TMEM123: variants seen among roughly 807,000 people sequenced by gnomAD.
The protein encoded by TMEM123 is porimin.
Under a neutral mutation model 19.7 loss-of-function variants are expected in TMEM123, and 16 were observed. The observed-to-expected ratio is 0.81, with a 90% CI of 0.55 to 1.23. TMEM123 has a LOEUF of 1.23. Among genes scored for constraint, TMEM123 ranks in the 50% most tolerant of loss-of-function variants. The pLI, the probability that TMEM123 is intolerant of heterozygous loss-of-function variation, is 0.00. For missense variants in TMEM123, 313 were observed against 257.8 expected, an observed-to-expected ratio of 1.21 and a Z score of -1.47; for synonymous variants, 118 against 99.4, an observed-to-expected ratio of 1.19 and a Z score of -1.12.
chr11:102,409,885 T>C (rs2135846657), intron 2 of TMEM123, among the ~76,000 whole-genome samples: 1 of 138,046 alleles, frequency 7.2e-6, no homozygotes, highest in East Asian at 2.1e-4. Context: ...ACAAACTAGA[T>C]AAATCTAGAT....
intron 2 of TMEM123, among the ~76,000 whole-genome samples, chr11:102,416,210 C>G (rs1796321120): frequency 6.6e-6 from 1 of 152,088 alleles, no homozygotes; most frequent in South Asian, 2.1e-4. Context: ...GGCACCATGC[C>G]CAGCCCAAAA....
At chr11:102,406,566 G>C (rs1951956821) in intron 2 of TMEM123, among the ~76,000 whole-genome samples, 1 of 152,080 alleles carries the variant, frequency 6.6e-6, no homozygotes, top group Non-Finnish European at 1.5e-5. Flanking sequence ...ACTGACATGA[G>C]ATTGCCTTAA....
At chr11:102,430,917 A>G (rs1181465655) in intron 2 of TMEM123, among the ~76,000 whole-genome samples, 1 of 152,142 alleles carries the variant, frequency 6.6e-6, no homozygotes, top group Non-Finnish European at 1.5e-5. Flanking sequence ...CTGGGTGGGG[A>G]TGACATGGGG....
chr11:102,445,510 A>G (rs1857876197), intron 2 of TMEM123, among the ~76,000 whole-genome samples: 1 of 152,238 alleles, frequency 6.6e-6, no homozygotes, highest in Non-Finnish European at 1.5e-5. Context: ...TCCATCTAAT[A>G]TTCTTTTCAC....
At chr11:102,404,315 ACT>A (rs1358346983) in intron 2 of TMEM123, among the ~76,000 whole-genome samples, 21 of 152,172 alleles carry the variant, frequency 1.4e-4, no homozygotes, top group African/African-American at 4.8e-4. Context: ...ACAAAGTCTT[ACT>A]CTGTCACCCA....
At chr11:102,428,631 A>G (rs926983579) in intron 2 of TMEM123, among the ~76,000 whole-genome samples, 1 of 152,008 alleles carries the variant, frequency 6.6e-6, no homozygotes. Context: ...AAGTCATTTT[A>G]AAGAAGTGTT....
At chr11:102,437,564 CATTTA>C in intron 2 of TMEM123, among the ~76,000 whole-genome samples, 1 of 151,982 alleles carries the variant, frequency 6.6e-6, no homozygotes, top group Non-Finnish European at 1.5e-5. Flanking sequence ...GAATTGGAAG[CATTTA>C]ATTTGGGTCC....
chr11:102,414,838 A>T (rs1952031465), intron 2 of TMEM123, among the ~76,000 whole-genome samples: 1 of 152,230 alleles, frequency 6.6e-6, no homozygotes, highest in Non-Finnish European at 1.5e-5. Context: ...GATCACATCC[A>T]CACATATCAA....
intron 2 of TMEM123, among the ~76,000 whole-genome samples, chr11:102,412,895 C>A (rs2054712207): frequency 6.6e-6 from 1 of 152,244 alleles, no homozygotes; most frequent in East Asian, 1.9e-4. Flanking sequence ...CTTCACATAC[C>A]TTCAATGTAC....
Position 102,409,743 on chromosome 11 carries a change from G to A in TMEM123, c.158-7537C>T, listed in dbSNP as rs180985721. On this transcript the variant is annotated intron_variant, in intron 2 of 4. Coordinates refer to ENST00000398136, the MANE Select transcript of TMEM123 (RefSeq NM_052932.3). ...ATAAAAATTAGCTGGGCATGGTGGC[G>A]GGCGTCTGTAATCCGGGAGGCTGAG... Among the ~76,000 whole-genome samples the A allele has an allele frequency of 2.1e-3, 326 of 151,940 alleles. 1 individual carries two copies. Among genetic ancestry groups the A allele is most frequent in the African/African-American group, 7.6e-3 (316 of 41,436 alleles).
chr11:102,401,653 T>A lies in TMEM123; in HGVS notation c.488A>T (p.Lys163Ile), dbSNP rs757375827. Residue 163 changes from lysine (K) to isoleucine (I), a missense_variant, in exon 4 of 5, where the codon AAA (lysine) becomes ATA (isoleucine). Lys to Ile is a moderately radical substitution (Grantham distance 102, BLOSUM62 -3). Transcript: ENST00000398136. ...ACCAACAAAGCTCCCAGTATCAAAT[T>A]TTGATCCTTTCTTTGCTTCAGAATG... Reference protein sequence around the residue: ...TMHSEAKKGSKFDTGSFVGGI... With the variant: ...TMHSEAKKGSIFDTGSFVGGI... 1.9e-6 allele frequency: 3 copies of A among 1,607,106 alleles called. No homozygotes were observed. Among genetic ancestry groups the A allele is most frequent in the Non-Finnish European group, 2.5e-6 (3 of 1,178,462 alleles).
chr11:102,428,291 T>TA (rs1156732780), intron 2 of TMEM123, among the ~76,000 whole-genome samples: 1 of 152,056 alleles, frequency 6.6e-6, no homozygotes, highest in Non-Finnish European at 1.5e-5. Flanking sequence ...CTTCACAATT[T>TA]AAAAAAAGTC....
Position 102,401,945 on chromosome 11 carries a change from G to C in TMEM123, c.419C>G (p.Ser140Ter), listed in dbSNP as rs1565346552. The C allele has an allele frequency of 6.2e-7, 1 of 1,614,022 alleles. No individual in the cohort carries two copies. Among genetic ancestry groups the C allele is most frequent in the Non-Finnish European group, 8.5e-7 (1 of 1,180,018 alleles). ...TACTGATGAAGCAGCAGATGTCACT[G>C]AACTATTGTGGGTTACGGTCATTGT... Reference protein sequence around the residue: ...TSTMTVTHNSSVTSAASSVTI... With the variant: ...TSTMTVTHNS The change falls in exon 3 of 5, where the codon TCA becomes TGA. Residue 140 changes from serine to a stop codon, truncating the protein, a stop_gained. Coordinates refer to ENST00000398136, the MANE Select transcript of TMEM123 (RefSeq NM_052932.3). LOFTEE classifies it high-confidence loss of function.
intron 2 of TMEM123, among the ~76,000 whole-genome samples, chr11:102,441,919 A>G (rs543080613): frequency 4.3e-4 from 66 of 152,314 alleles, no homozygotes; most frequent in Middle Eastern, 3.4e-3. Context: ...AATACTATAA[A>G]CACCTCTACG....
At chr11:102,401,284 G>T (rs1248515239) in intron 4 of TMEM123, among the ~76,000 whole-genome samples, 1 of 151,986 alleles carries the variant, frequency 6.6e-6, no homozygotes, top group East Asian at 1.9e-4. Context: ...GGTTAACTTT[G>T]GTCTCCTGTA....
Position 102,448,763 on chromosome 11 carries a change from T to C in TMEM123, c.157+49A>G, listed in dbSNP as rs1475049584. 5 of 1,574,110 alleles carry C rather than the reference T, an allele frequency of 3.2e-6. No homozygotes were observed. The Admixed American group carries it at 5.0e-5, about 16-fold the overall frequency. ...TACTTCCCTGGCTGTTATTACTTCA[T>C]GTACCCTAGACAAATGAAAATTTGT... On this transcript the variant is annotated intron_variant, in intron 2 of 4. Transcript: ENST00000398136.
At chr11:102,437,322 G>A (rs78704392) in intron 2 of TMEM123, among the ~76,000 whole-genome samples, 6,817 of 152,048 alleles carry the variant, frequency 0.045, 214 homozygotes, top group Non-Finnish European at 0.073. Context: ...AGCTGGGTGC[G>A]GTGGCACACA....
In TMEM123 at chr11:102,396,730, G is replaced by A. The variant is rs910645894; in HGVS notation, c.*2137C>T. 2 of 151,988 alleles carry A rather than the reference G, an allele frequency of 1.3e-5. No individual in the cohort carries two copies. The highest frequency in any genetic ancestry group is 2.4e-5 in the African/African-American group (1 of 41,390). The allele number at this position is 151,988 out of a possible 1,614,324, so 9.4% of individuals were successfully genotyped here. On this transcript the variant is annotated 3_prime_UTR_variant, in exon 5 of 5. Coordinates refer to ENST00000398136, the MANE Select transcript of TMEM123 (RefSeq NM_052932.3). ...ACAAAAAAACCTACATTCAAAGTAC[G>A]GGTATTTGAAAGTAACAAATTATAC...
chr11:102,438,297 T>TC (rs1857786873), intron 2 of TMEM123, among the ~76,000 whole-genome samples: 1 of 152,046 alleles, frequency 6.6e-6, no homozygotes, highest in Admixed American at 6.5e-5. Flanking sequence ...AGTGATCTGC[T>TC]CCCCTCAGCC....
Sources: allele counts gnomAD v4.1 joint callset (sites outside exome capture counted in the v4.1 genomes callset), GRCh38; gene constraint gnomAD v4.1.1; transcripts MANE v1.5; gene names NCBI Gene and HGNC (gene_info 2026-07-23, HGNC 2026-07-21).